The following PHC2 variants were observed in gnomAD, a reference collection of about 807,000 sequenced individuals.
The protein encoded by PHC2 is polyhomeotic-like protein 2.
In PHC2, 29 loss-of-function variants were observed where a neutral mutation model predicts 87.4. That is an observed-to-expected ratio of 0.33 (90% CI 0.25 to 0.45). The LOEUF (loss-of-function observed/expected upper bound fraction) is 0.45. Ranked by LOEUF, PHC2 falls within the 20% of genes least tolerant of loss-of-function variation. PHC2 has a pLI of 1.00. For missense variants in PHC2, 857 were observed against 1,136.7 expected, an observed-to-expected ratio of 0.75 and a Z score of 3.54; for synonymous variants, 438 against 461.7, an observed-to-expected ratio of 0.95 and a Z score of 0.66.
intron 9 of PHC2, among the ~76,000 whole-genome samples, chr1:33,351,523 T>G (rs1451959952): frequency 1.3e-5 from 2 of 152,218 alleles, no homozygotes; most frequent in Admixed American, 1.3e-4. Flanking sequence ...GCATTTTACT[T>G]TCTATTGTAA....
intron 1 of PHC2, among the ~76,000 whole-genome samples, chr1:33,424,103 A>C (rs979524365): frequency 4.6e-5 from 7 of 151,972 alleles, no homozygotes; most frequent in East Asian, 1.9e-4. Flanking sequence ...GTCTCAAAAA[A>C]AAAAAAAACA....
At chr1:33,338,943 CAG>C (rs2148226941) in intron 9 of PHC2, among the ~76,000 whole-genome samples, 1 of 152,280 alleles carries the variant, frequency 6.6e-6, no homozygotes, top group South Asian at 2.1e-4. Flanking sequence ...GTATTCCGGT[CAG>C]AATGAACAGA....
Position 33,379,760 on chromosome 1 carries a change from G to A in PHC2, c.-54-4167C>T, listed in dbSNP as rs563374752. ...GCTCCCACTCTTGCCCTCTTGCCCC[G>A]CTGTGATTGATCCAGACTGGTAGCT... On this transcript the variant is annotated intron_variant, in intron 1 of 14. Transcript: ENST00000683057. 3.6e-4 allele frequency among the ~76,000 whole-genome samples: 54 copies of A among 151,350 alleles called. 1 individual carries two copies. The South Asian group carries it at 9.7e-3, about 27-fold the overall frequency.
At chr1:33,345,472 T>C (rs1181674477) in intron 9 of PHC2, 1 of 815,938 alleles carries the variant, frequency 1.2e-6, no homozygotes, top group Non-Finnish European at 1.5e-6. Context: ...ATATCCTTTT[T>C]CACTAACTAT....
At chr1:33,397,031 G>C (rs1429375628) in intron 1 of PHC2, among the ~76,000 whole-genome samples, 1 of 152,198 alleles carries the variant, frequency 6.6e-6, no homozygotes, top group African/African-American at 2.4e-5. Flanking sequence ...CCTCTTACCA[G>C]CTGTGTAATA....
chr1:33,354,272 TCCAACCCC>T, intron 9 of PHC2, 121 bp downstream of exon 9: 1 of 831,012 alleles, frequency 1.2e-6, no homozygotes, highest in Admixed American at 2.8e-5. Flanking sequence ...CTCCTCTGTT[TCCAACCCC>T]CCAGCTTCCT....
rs1382350199 is a variant in PHC2 at position 33,349,620 on chromosome 1, G to C, written c.1558+4781C>G. ...ACCTGTCCAGGGCCCGGCTGGGCCT[G>C]GCCGGGCGGGGCCTACGCAGCCCCT... On this transcript the variant is annotated intron_variant, in intron 9 of 14. Coordinates refer to ENST00000683057, the MANE Select transcript of PHC2 (RefSeq NM_001385109.1). The surrounding 1 kb of genome is among the most constrained non-coding windows in gnomAD (Gnocchi z 4.2). The C allele has an allele frequency of 1.0e-6, 1 of 983,558 alleles. No individual in the cohort carries two copies. Among genetic ancestry groups the C allele is most frequent in the African/African-American group, 1.8e-5 (1 of 56,972 alleles). The allele number at this position is 983,558 out of a possible 1,614,324, so 60.9% of individuals were successfully genotyped here. A position where few individuals can be genotyped will look rare whatever the true frequency, so the allele number is the denominator to read the frequency against.
At position 33,334,615 on chromosome 1, in the gene PHC2, T is replaced by G. The variant is rs907392470; in HGVS notation, c.1559-323A>C. Among the ~76,000 whole-genome samples, 4 of 152,218 alleles carry G rather than the reference T, an allele frequency of 2.6e-5. No homozygotes were observed. Among genetic ancestry groups the G allele is most frequent in the African/African-American group, 9.7e-5 (4 of 41,448 alleles). On this transcript the variant is annotated intron_variant, in intron 9 of 14. Coordinates refer to ENST00000683057, the MANE Select transcript of PHC2 (RefSeq NM_001385109.1). The surrounding 1 kb of genome is among the most constrained non-coding windows in gnomAD (Gnocchi z 5.5). ...TTCTATCTTTGAGGAGTTAAGACCT[T>G]GGTCGATACTGATTTGAACAAATAA...
At chr1:33,356,251 A>ATATATATATATATATATATATATATATG (rs1647071011) in intron 7 of PHC2, among the ~76,000 whole-genome samples, 3 of 39,814 alleles carry the variant, frequency 7.5e-5, no homozygotes, top group Non-Finnish European at 1.5e-4. Flanking sequence ...GAAAATTCTT[A>ATATATATATATATATATATATATATATG]TATATATATA....
At chr1:33,396,384 A>G (rs184472964) in intron 1 of PHC2, among the ~76,000 whole-genome samples, 2 of 152,234 alleles carry the variant, frequency 1.3e-5, no homozygotes, top group African/African-American at 4.8e-5. Flanking sequence ...AGGGGAAATA[A>G]TGCAGTCAAG....
Position 33,419,895 on chromosome 1 carries a change from C to T in PHC2, c.-55+11081G>A, listed in dbSNP as rs571269275. Among the ~76,000 whole-genome samples, 4 of 151,780 alleles carry T rather than the reference C, an allele frequency of 2.6e-5. No homozygotes were observed. In the South Asian group the frequency reaches 8.3e-4, roughly 32 times the overall value. The stretch of plus-strand genomic sequence containing the variant: ...AAGTGCTGGGATTACAGGCGTGAGC[C>T]ACCGCGCCCGGCCACCTCTCTCTTA... On this transcript the variant is annotated intron_variant, in intron 1 of 14. Coordinates refer to ENST00000683057, the MANE Select transcript of PHC2 (RefSeq NM_001385109.1).
chr1:33,423,866 A>G (rs1289245646), intron 1 of PHC2, among the ~76,000 whole-genome samples: 1 of 152,152 alleles, frequency 6.6e-6, no homozygotes, highest in African/African-American at 2.4e-5. Context: ...TGGGAGGCCG[A>G]GGAGGGCAGA....
rs531691334 is a variant in PHC2 at position 33,332,724 on chromosome 1, C to A, written c.1762-320G>T. On this transcript the variant is annotated intron_variant, in intron 10 of 14. Coordinates refer to ENST00000683057, the MANE Select transcript of PHC2 (RefSeq NM_001385109.1). The surrounding 1 kb of genome is among the most constrained non-coding windows in gnomAD (Gnocchi z 4.2). ...GTTTCCCACAGTGCCAGATCAAGCA[C>A]CAAGACCCAGTACCCACGCATCTCC... Among the ~76,000 whole-genome samples the A allele has an allele frequency of 6.6e-6, 1 of 152,308 alleles. No homozygotes were observed. Among genetic ancestry groups the A allele is most frequent in the East Asian group, 1.9e-4 (1 of 5,184 alleles).
intron 14 of PHC2, chr1:33,326,450 C>T (rs1042415798): frequency 3.3e-5 from 5 of 152,540 alleles, no homozygotes; most frequent in Admixed American, 1.3e-4. Flanking sequence ...TCTAGGCATG[C>T]CTCGCAGATC....
chr1:33,416,419 A>G (rs898949600), intron 1 of PHC2, among the ~76,000 whole-genome samples: 5 of 151,374 alleles, frequency 3.3e-5, no homozygotes, highest in Middle Eastern at 3.4e-3. Context: ...TACAAAAAAA[A>G]AAAAAAATTA....
At chr1:33,341,567 A>C (rs1646745789) in intron 9 of PHC2, among the ~76,000 whole-genome samples, 1 of 152,246 alleles carries the variant, frequency 6.6e-6, no homozygotes, top group Non-Finnish European at 1.5e-5. Context: ...GAAGCCGAAA[A>C]GGAAACAGCA....
chr1:33,410,898 A>G (rs867024385), intron 1 of PHC2, among the ~76,000 whole-genome samples: 9 of 152,204 alleles, frequency 5.9e-5, no homozygotes, highest in Admixed American at 2.0e-4. Flanking sequence ...AACAAACATC[A>G]TATTATGGTC....
At chr1:33,325,293 C>T (rs1354349656) in intron 14 of PHC2, 1 of 369,658 alleles carries the variant, frequency 2.7e-6, no homozygotes, top group Non-Finnish European at 5.0e-6. Context: ...CACTAAAGTG[C>T]TGAGGAAGTG....
At chr1:33,371,187 G>T in intron 3 of PHC2, 93 bp from the exon 4 acceptor site, 1 of 1,087,216 alleles carries the variant, frequency 9.2e-7, no homozygotes, top group Non-Finnish European at 1.4e-6. Flanking sequence ...GCAGGCTGGT[G>T]TTAAGGACAA....
Sources: gnomAD v4.1 joint callset for allele counts (sites outside exome capture counted in the v4.1 genomes callset) on GRCh38, gnomAD v4.1.1 for gene constraint, Gnocchi (gnomAD v3.1) non-coding constraint, MANE v1.5 for transcripts, NCBI Gene and HGNC (gene_info 2026-07-23, HGNC 2026-07-21) for gene names.